The following HNF1A variants were observed in gnomAD, a reference collection of about 807,000 sequenced individuals.
HNF1A encodes the protein HNF1 homeobox A, also known as hepatocyte nuclear factor 1-alpha.
HNF1A carries 21 observed loss-of-function variants against 62.2 expected under a neutral mutation model. The observed-to-expected ratio is 0.34, with a 90% confidence interval of 0.24 to 0.49. The LOEUF is 0.49. HNF1A is among the 20% of genes least tolerant of loss of function. The pLI is 0.99. For missense variants in HNF1A, 687 were observed against 832.3 expected (o/e 0.83, Z 2.15); for synonymous variants, 374 against 366.8 (o/e 1.02, Z -0.22).
Position 121,001,720 on chromosome 12 carries a change from T to C in HNF1A, c.*528T>C. 1.9e-6 allele frequency: 1 copy of C among 514,208 alleles called. No individual in the cohort carries two copies. The highest frequency in any genetic ancestry group is 2.4e-5 in the Admixed American group (1 of 41,168). 31.9% of individuals were successfully genotyped at this position (514,208 alleles called of 1,614,324 possible). On this transcript the variant is annotated 3_prime_UTR_variant, in exon 10 of 10. Coordinates refer to ENST00000257555, the MANE Select transcript of HNF1A (RefSeq NM_000545.8). ...TTCCAGCTAGTGACCCACATGCCATTTGTACTGACCCCATCACCTACTCAC... is the reference window on the plus strand; with the variant it reads ...TTCCAGCTAGTGACCCACATGCCATCTGTACTGACCCCATCACCTACTCAC...
At chr12:120,997,264 G>A (rs78753180) in intron 6 of HNF1A, 4 of 1,425,816 alleles carry the variant, frequency 2.8e-6, no homozygotes, top group Non-Finnish European at 2.7e-6. Flanking sequence ...CACTAGCCTA[G>A]ACAAAGAGCT....
intron 1 of HNF1A, chr12:120,979,567 T>C (rs1054357715): frequency 3.5e-5 from 6 of 170,632 alleles, no homozygotes; most frequent in Admixed American, 3.3e-4. Context: ...TTTCCTGGCC[T>C]CCTAGGGACT....
chr12:120,998,045 C>T lies in HNF1A; in HGVS notation c.1501+380C>T, dbSNP rs563356838. ...CTGTAATCCCAGCACTTTGGAAGGC[C>T]GAGGTGGGCAGATCACTTGAGGTCA... On this transcript the variant is annotated intron_variant, in intron 7 of 9. Transcript: ENST00000257555. 2.3e-4 allele frequency: 111 copies of T among 486,388 alleles called. No individual in the cohort carries two copies. In the Middle Eastern group the frequency reaches 2.4e-3, roughly 11 times the overall value. The allele number at this position is 486,388 out of a possible 1,614,324, so 30.1% of individuals were successfully genotyped here.
chr12:120,999,176 G>A, intron 7 of HNF1A, 92 bp from the exon 8 acceptor site: 1 of 1,493,940 alleles, frequency 6.7e-7, no homozygotes, highest in Non-Finnish European at 9.3e-7. Flanking sequence ...CTGTTCAGCA[G>A]GCCCCATGCC....
chr12:120,985,621 A>G (rs2135827947), intron 1 of HNF1A, among the ~76,000 whole-genome samples: 1 of 152,218 alleles, frequency 6.6e-6, no homozygotes, highest in South Asian at 2.1e-4. Context: ...ACAGTGAGCT[A>G]TGATCACGCC....
chr12:120,993,852 A>G, intron 3 of HNF1A, 146 bp downstream of exon 3: 1 of 925,028 alleles, frequency 1.1e-6, no homozygotes, highest in Non-Finnish European at 1.6e-6. Context: ...AAAATTGAGA[A>G]TACTTGAACC....
At position 120,999,606 on chromosome 12, in the gene HNF1A, C is replaced by G. The variant is rs137853239; in HGVS notation, c.1747C>G (p.Arg583Gly). ...ASIQHLQPAH[R>G]LSASPTVSSS... ...CATCCAGCACCTGCAGCCGGCCCAC[C>G]GGCTCAGCGCCAGCCCCACAGGTGA... is the stretch of plus-strand genomic sequence containing the variant. Residue 583 changes from arginine to glycine, a missense_variant, in exon 9 of 10, where the codon CGG becomes GGG. Physicochemically the swap from Arg to Gly is moderately radical, Grantham distance 125. Coordinates refer to ENST00000257555, the MANE Select transcript of HNF1A (RefSeq NM_000545.8). 3.7e-6 allele frequency: 6 copies of G among 1,611,158 alleles called. No homozygotes were observed. The East Asian group carries it at 6.7e-5, about 18-fold the overall frequency.
At chr12:120,987,784 ATCTAT>A (rs1362468227) in intron 1 of HNF1A, among the ~76,000 whole-genome samples, 2 of 151,814 alleles carry the variant, frequency 1.3e-5, no homozygotes, top group Non-Finnish European at 2.9e-5. Context: ...CTATCTATCT[ATCTAT>A]CTATCTATCT....
chr12:120,990,255 C>A (rs577308031), intron 2 of HNF1A, among the ~76,000 whole-genome samples: 5 of 152,060 alleles, frequency 3.3e-5, no homozygotes, highest in Non-Finnish European at 7.4e-5. Context: ...CATTCTCCTG[C>A]CTCAGCCTCC....
chr12:120,983,443 CAGT>C (rs1319117445), intron 1 of HNF1A, among the ~76,000 whole-genome samples: 1 of 152,132 alleles, frequency 6.6e-6, no homozygotes, highest in Non-Finnish European at 1.5e-5. Context: ...GGCTAGGTCA[CAGT>C]GGTGGGATTT....
chr12:120,997,580 C>T lies in HNF1A; in HGVS notation c.1416C>T (p.Tyr472=), dbSNP rs2135847860. 6.2e-7 allele frequency: 1 copy of T among 1,613,868 alleles called. No homozygotes were observed. Among genetic ancestry groups the T allele is most frequent in the East Asian group, 2.2e-5 (1 of 44,876 alleles). The part of the protein sequence containing the change: ...VQFSQPLHPS[Y]QQPLMPPVQS... ...TCTCCCAGCCGCTGCACCCCTCCTA[C>T]CAGCAGCCGCTCATGCCACCTGTGC... Residue 472 remains tyrosine, a synonymous_variant, in exon 7 of 10, where the codon TAC becomes TAT. Transcript: ENST00000257555.
chr12:120,987,484 A>G (rs1348981012), intron 1 of HNF1A, among the ~76,000 whole-genome samples: 1 of 151,106 alleles, frequency 6.6e-6, no homozygotes, highest in Non-Finnish European at 1.5e-5. Flanking sequence ...CAAAAAAAAA[A>G]AAAAAAAAGA....
At chr12:120,987,625 C>T (rs1015602947) in intron 1 of HNF1A, among the ~76,000 whole-genome samples, 3 of 149,332 alleles carry the variant, frequency 2.0e-5, no homozygotes, top group Non-Finnish European at 4.5e-5. Flanking sequence ...TATATATATA[C>T]AGAGAGAGAG....
In HNF1A at chr12:120,996,264, G is replaced by A; in HGVS notation, c.958G>A (p.Val320Met). Residue 320 changes from valine (V) to methionine (M), a missense_variant and splice_region_variant, in exon 5 of 10, where the codon GTG becomes ATG. Transcript: ENST00000257555. The surrounding 1 kb of genome is among the most constrained non-coding windows in gnomAD (Gnocchi z 4.5). ...PALSPSKVHG[V>M]RYGQPATSET... ...CAGGACACTGCTTCCCTCTCCAGGT[G>A]TGCGCTATGGACAGCCTGCGACCAG... 1.2e-6 allele frequency: 2 copies of A among 1,614,072 alleles called. No homozygotes were observed. Among genetic ancestry groups the A allele is most frequent in the Non-Finnish European group, 1.7e-6 (2 of 1,180,024 alleles).
Position 120,979,074 on chromosome 12 carries a change from C to T in HNF1A, c.306C>T (p.Ala102=), listed in dbSNP as rs1486966222. 4.3e-6 allele frequency: 7 copies of T among 1,610,832 alleles called. No individual in the cohort carries two copies. Among genetic ancestry groups the T allele is most frequent in the African/African-American group, 2.7e-5 (2 of 75,016 alleles). ...CTGAGGAGGCGGCCCACCAGAAAGC[C>T]GTGGTGGAGACCCTTCTGCAGTAAG... is the stretch of plus-strand genomic sequence containing the variant. ...LSPEEAAHQK[A]VVETLLQEDP... is the part of the protein sequence containing the mutation. The change falls in exon 1 of 10, where the codon GCC becomes GCT. Residue 102 remains alanine (A), a synonymous_variant. Transcript: ENST00000257555.
Position 120,999,383 on chromosome 12 carries a change from C to G in HNF1A, c.1617C>G (p.Thr539=). The change falls in exon 8 of 10, where the codon ACC becomes ACG. Residue 539 remains threonine (T), a synonymous_variant. Coordinates refer to ENST00000257555, the MANE Select transcript of HNF1A (RefSeq NM_000545.8). ...NLSALASLTP[T]KQVFTSDTEA... ...GCGCCCTGGCCAGCCTCACGCCCAC[C>G]AAGCAGGTAAGGTCCAGGCCTGCTG... 1 of 1,613,914 alleles carries G rather than the reference C, an allele frequency of 6.2e-7. No homozygotes were observed. The highest frequency in any genetic ancestry group is 8.5e-7 in the Non-Finnish European group (1 of 1,179,948).
intron 3 of HNF1A, among the ~76,000 whole-genome samples, chr12:120,993,935 G>A (rs893123399): frequency 6.6e-6 from 1 of 152,144 alleles, no homozygotes; most frequent in Non-Finnish European, 1.5e-5. Context: ...CACCCAATTC[G>A]ATTCTCTCTA....
intron 1 of HNF1A, among the ~76,000 whole-genome samples, chr12:120,987,784 A>G (rs1375839390): frequency 6.6e-6 from 1 of 151,814 alleles, no homozygotes; most frequent in Non-Finnish European, 1.5e-5. Flanking sequence ...CTATCTATCT[A>G]TCTATCTATC....
intron 2 of HNF1A, among the ~76,000 whole-genome samples, chr12:120,989,284 T>G (rs1257230642): frequency 6.7e-6 from 1 of 150,336 alleles, no homozygotes. Flanking sequence ...TTAGATAGAG[T>G]TTTGCTCTTA....
Sources: gnomAD v4.1 joint callset for allele counts (sites outside exome capture counted in the v4.1 genomes callset) on GRCh38, gnomAD v4.1.1 for gene constraint, Gnocchi (gnomAD v3.1) non-coding constraint, MANE v1.5 for transcripts, NCBI Gene and HGNC (gene_info 2026-07-23, HGNC 2026-07-21) for gene names.